Variants in ZNF721 observed in about 807,000 individuals in gnomAD.
ZNF721 encodes zinc finger protein 721.
ZNF721 carries 2 observed loss-of-function variants against 2.4 expected under a neutral mutation model. The observed-to-expected ratio is 0.82, with a 90% CI of 0.34 to 2.58. The LOEUF is 2.58. Among genes scored for constraint, ZNF721 ranks in the 30% most tolerant of loss-of-function variants. The pLI, the probability that ZNF721 is intolerant of heterozygous loss-of-function variation, is 0.11. For synonymous variants in ZNF721, 398 were observed against 381.8 expected, an observed-to-expected ratio of 1.04 and a Z score of -0.50; for missense variants, 1,187 against 1,085.5, an observed-to-expected ratio of 1.09 and a Z score of -1.31.
chr4:483,430 T>G (rs1715818957), intron 1 of ZNF721, among the ~76,000 whole-genome samples: 1 of 151,890 alleles, frequency 6.6e-6, no homozygotes, highest in African/African-American at 2.4e-5. Flanking sequence ...TGAGTGCTTG[T>G]AATCCCAGCT....
At chr4:497,819 A>C (rs1319382026) in intron 1 of ZNF721, among the ~76,000 whole-genome samples, 1 of 151,712 alleles carries the variant, frequency 6.6e-6, no homozygotes. Flanking sequence ...AATGGCGTGA[A>C]CCCGGGAGGC....
intron 1 of ZNF721, among the ~76,000 whole-genome samples, chr4:486,135 G>A (rs1715889524): frequency 6.6e-6 from 1 of 150,806 alleles, no homozygotes; most frequent in African/African-American, 2.4e-5. Context: ...AAATGCATTG[G>A]TTGAGTGTGA....
intron 1 of ZNF721, among the ~76,000 whole-genome samples, chr4:492,157 C>T (rs1330173391): frequency 4.0e-5 from 6 of 149,190 alleles, no homozygotes; most frequent in Non-Finnish European, 5.9e-5. Flanking sequence ...AGGGAGATTC[C>T]GTCTCAAAAA....
intron 2 of ZNF721, among the ~76,000 whole-genome samples, chr4:470,112 G>A (rs1715386682): frequency 6.6e-6 from 1 of 152,080 alleles, no homozygotes. Context: ...TCCATCTCCC[G>A]ACCTCGTGAT....
chr4:444,471 G>A (rs1714405082), intron 2 of ZNF721, 39 bp from the exon 3 acceptor site: 1 of 1,511,430 alleles, frequency 6.6e-7, no homozygotes, highest in African/African-American at 1.4e-5. Context: ...CCAGTTACTA[G>A]ATTCATATGC....
chr4:448,755 T>C (rs1291816083), intron 2 of ZNF721, among the ~76,000 whole-genome samples: 1 of 152,166 alleles, frequency 6.6e-6, no homozygotes, highest in Non-Finnish European at 1.5e-5. Context: ...GCTAGATTAA[T>C]AAAATCTGCC....
intron 1 of ZNF721, among the ~76,000 whole-genome samples, chr4:494,779 A>T (rs1295393208): frequency 1.3e-5 from 2 of 152,166 alleles, no homozygotes; most frequent in Non-Finnish European, 2.9e-5. Flanking sequence ...TTTTATTTAG[A>T]TAGGGACTAC....
In ZNF721 at chr4:444,172, CTTTG is replaced by C; in HGVS notation, c.291_294del (p.Asn97LysfsTer27). The C allele has an allele frequency of 6.2e-7, 1 of 1,613,898 alleles. No homozygotes were observed. Among genetic ancestry groups the C allele is most frequent in the Non-Finnish European group, 8.5e-7 (1 of 1,179,864 alleles). On this transcript the variant is annotated frameshift_variant, in exon 3 of 3. Transcript: ENST00000511833. LOFTEE classifies it low-confidence loss of function (END_TRUNC). ...TTCTCTCCAGTATGTCTTGTCTTAT[CTTTG>C]TTTGAATTTGCAAATTTACTAAAAA... is the stretch of plus-strand genomic sequence containing the variant.
intron 2 of ZNF721, chr4:454,080 A>G (rs1714759771): frequency 6.6e-6 from 1 of 152,142 alleles, no homozygotes; most frequent in Admixed American, 6.6e-5. Context: ...CATTGTCCCT[A>G]ATGAAACACA....
intron 2 of ZNF721, among the ~76,000 whole-genome samples, chr4:467,735 C>T (rs145932339): frequency 1.0e-3 from 156 of 152,362 alleles, no homozygotes; most frequent in African/African-American, 3.6e-3. Context: ...CAGATCCTGG[C>T]CTCAGTTGTG....
chr4:486,195 T>A (rs1715893110), intron 1 of ZNF721, among the ~76,000 whole-genome samples: 1 of 149,866 alleles, frequency 6.7e-6, no homozygotes, highest in Non-Finnish European at 1.5e-5. Context: ...AGTCTCGCTC[T>A]GTCGCCCAGG....
chr4:494,976 G>A (rs548314957), intron 1 of ZNF721, among the ~76,000 whole-genome samples: 2 of 149,408 alleles, frequency 1.3e-5, no homozygotes, highest in South Asian at 2.1e-4. Flanking sequence ...TGCAAGCTCC[G>A]GGTTCACGCC....
At chr4:493,205 T>A (rs1211182610) in intron 1 of ZNF721, among the ~76,000 whole-genome samples, 1 of 151,404 alleles carries the variant, frequency 6.6e-6, no homozygotes, top group Non-Finnish European at 1.5e-5. Flanking sequence ...GCCTAACAGA[T>A]TCCATTTTCC....
chr4:467,747 TC>T (rs1225925504), intron 2 of ZNF721, among the ~76,000 whole-genome samples: 2 of 152,192 alleles, frequency 1.3e-5, no homozygotes, highest in African/African-American at 4.8e-5. Flanking sequence ...TCAGTTGTGC[TC>T]CTTGAAGCAG....
intron 1 of ZNF721, among the ~76,000 whole-genome samples, chr4:474,939 A>G (rs1300017735): frequency 6.6e-6 from 1 of 152,068 alleles, no homozygotes; most frequent in African/African-American, 2.4e-5. Context: ...CTGTAATCCT[A>G]GCACTTTGGG....
intron 2 of ZNF721, among the ~76,000 whole-genome samples, chr4:470,373 A>G (rs1412401947): frequency 2.6e-5 from 4 of 152,220 alleles, no homozygotes; most frequent in African/African-American, 7.2e-5. Context: ...GATTGTATCA[A>G]AGTAAACTGC....
At chr4:495,301 G>T (rs1716120409) in intron 1 of ZNF721, among the ~76,000 whole-genome samples, 2 of 116,194 alleles carry the variant, frequency 1.7e-5, no homozygotes. Flanking sequence ...ACAGAATTCA[G>T]TCAACTGAAC....
At position 442,285 on chromosome 4, in the gene ZNF721, C is replaced by A; in HGVS notation, c.2182G>T (p.Glu728Ter). The A allele has an allele frequency of 6.2e-7, 1 of 1,613,302 alleles. No individual in the cohort carries two copies. The highest frequency in any genetic ancestry group is 8.5e-7 in the Non-Finnish European group (1 of 1,179,414). Reference sequence around the variant, plus strand: ...CATCCAAAGGATCTGCCACGATCTTCACATTTGTAGGGTTTCTCCCTAGTG... The same window carrying A: ...CATCCAAAGGATCTGCCACGATCTTAACATTTGTAGGGTTTCTCCCTAGTG... ...VHTREKPYKC[E>*]DRGRSFGWST... Residue 728 changes from glutamate to a stop codon, truncating the protein, a stop_gained, in exon 3 of 3, where the codon GAA becomes TAA. Coordinates refer to ENST00000511833, the MANE Select transcript of ZNF721 (RefSeq NM_133474.4). LOFTEE classifies it low-confidence loss of function (END_TRUNC).
chr4:485,322 T>C (rs1214458519), intron 1 of ZNF721, among the ~76,000 whole-genome samples: 3 of 152,166 alleles, frequency 2.0e-5, no homozygotes, highest in East Asian at 3.9e-4. Flanking sequence ...ATGGTTTCAG[T>C]TTTGGGGAAT....
Sources: allele counts gnomAD v4.1 joint callset (sites outside exome capture counted in the v4.1 genomes callset), GRCh38; gene constraint gnomAD v4.1.1; transcripts MANE v1.5; gene names NCBI Gene and HGNC (gene_info 2026-07-23, HGNC 2026-07-21).